Variants in SGCG observed in about 807,000 individuals in gnomAD.
SGCG encodes gamma-sarcoglycan.
In SGCG, 26 loss-of-function variants were observed where a neutral mutation model predicts 29.3. The observed-to-expected ratio is 0.89, with a 90% CI of 0.65 to 1.23. The LOEUF is 1.23. SGCG is among the 50% of genes most tolerant of loss of function. SGCG has a pLI of 0.00. For synonymous variants in SGCG, 145 were observed against 129.7 expected, an observed-to-expected ratio of 1.12 and a Z score of -0.80; for missense variants, 353 against 356.0, an observed-to-expected ratio of 0.99 and a Z score of 0.07.
At chr13:23,314,382 T>TTTTATATATATA (rs1240016735) in intron 6 of SGCG, among the ~76,000 whole-genome samples, 3,413 of 78,394 alleles carry the variant, frequency 0.044, 128 homozygotes, top group Admixed American at 0.089. Flanking sequence ...CTGCTATAGG[T>TTTTATATATATA]TATATATATA....
chr13:23,262,534 G>T (rs558452272), intron 4 of SGCG, among the ~76,000 whole-genome samples: 1 of 152,074 alleles, frequency 6.6e-6, no homozygotes, highest in Admixed American at 6.6e-5. Flanking sequence ...CCTAAGAAAA[G>T]AGATAGACAG....
chr13:23,321,593 G>A (rs950032299), intron 7 of SGCG, among the ~76,000 whole-genome samples: 11 of 152,132 alleles, frequency 7.2e-5, no homozygotes, highest in African/African-American at 2.7e-4. Flanking sequence ...AGTGACTCAC[G>A]GGCTGGGAGC....
intron 2 of SGCG, among the ~76,000 whole-genome samples, chr13:23,216,907 C>G (rs1048325735): frequency 2.6e-5 from 4 of 152,056 alleles, no homozygotes; most frequent in Non-Finnish European, 5.9e-5. Context: ...TGGGTTCCAC[C>G]ACACTGTTCA....
intron 3 of SGCG, among the ~76,000 whole-genome samples, chr13:23,243,037 A>C (rs142532997): frequency 0.011 from 1,629 of 152,326 alleles, 28 homozygotes; most frequent in African/African-American, 0.036. Context: ...TAGATTAAAG[A>C]GCAAGTATAA....
intron 1 of SGCG, 121 bp from the exon 2 acceptor site, chr13:23,203,574 A>T: frequency 1.4e-6 from 1 of 728,530 alleles, no homozygotes; most frequent in Non-Finnish European, 2.5e-6. Flanking sequence ...AATTTTGGAA[A>T]TCTATGACTG....
chr13:23,194,536 C>T (rs1877407420), intron 1 of SGCG, among the ~76,000 whole-genome samples: 2 of 152,178 alleles, frequency 1.3e-5, no homozygotes, highest in South Asian at 4.1e-4. Flanking sequence ...CAAGCTCTCT[C>T]CAAGTGGCGG....
At chr13:23,211,498 A>G (rs1878210818) in intron 2 of SGCG, among the ~76,000 whole-genome samples, 1 of 151,826 alleles carries the variant, frequency 6.6e-6, no homozygotes, top group Non-Finnish European at 1.5e-5. Context: ...CTTTCACCAT[A>G]GAGACCAAGT....
At chr13:23,306,830 C>G (rs971513805) in intron 6 of SGCG, among the ~76,000 whole-genome samples, 1 of 152,316 alleles carries the variant, frequency 6.6e-6, no homozygotes, top group East Asian at 1.9e-4. Flanking sequence ...GAAACAGTTT[C>G]AGGATTGAAA....
intron 6 of SGCG, among the ~76,000 whole-genome samples, chr13:23,305,501 A>T (rs1192520962): frequency 1.3e-5 from 2 of 152,236 alleles, no homozygotes. Flanking sequence ...TTTTCCAAGT[A>T]TAATATCTCT....
In SGCG at chr13:23,277,630, G is replaced by A. The variant is rs114843901; in HGVS notation, c.386-1729G>A. 6.4e-3 allele frequency among the ~76,000 whole-genome samples: 969 copies of A among 150,674 alleles called. 7 individuals are homozygous for A. The highest frequency in any genetic ancestry group is 0.023 in the African/African-American group (936 of 41,044). ...ACCAGGTATCCAAAAATTTTTATGA[G>A]AACTGTTAGGGTCAGAGGGGACACA... is the stretch of plus-strand genomic sequence containing the variant. On this transcript the variant is annotated intron_variant, in intron 4 of 7. Coordinates refer to ENST00000218867, the MANE Select transcript of SGCG (RefSeq NM_000231.3).
chr13:23,249,472 G>T (rs1217373534), intron 3 of SGCG, among the ~76,000 whole-genome samples: 1 of 152,118 alleles, frequency 6.6e-6, no homozygotes, highest in African/African-American at 2.4e-5. Flanking sequence ...AGAGGAATTT[G>T]CTTTTTCAGT....
chr13:23,284,398 G>T (rs1382012263), intron 5 of SGCG, among the ~76,000 whole-genome samples: 1 of 151,778 alleles, frequency 6.6e-6, no homozygotes, highest in South Asian at 2.1e-4. Flanking sequence ...TGATCAATTC[G>T]GCTATTGATA....
At chr13:23,239,509 G>A (rs1189394380) in intron 3 of SGCG, among the ~76,000 whole-genome samples, 2 of 152,092 alleles carry the variant, frequency 1.3e-5, no homozygotes, top group African/African-American at 4.8e-5. Context: ...TATGATGCTA[G>A]AAGAAAAATC....
At position 23,233,767 on chromosome 13, in the gene SGCG, A is replaced by G. The variant is rs79896829; in HGVS notation, c.196-844A>G. Among the ~76,000 whole-genome samples, 413 of 152,342 alleles carry G rather than the reference A, an allele frequency of 2.7e-3. 2 individuals carry two copies. Among genetic ancestry groups the G allele is most frequent in the Middle Eastern group, 6.8e-3 (2 of 294 alleles). ...GAAATAGTAATGGAAGCCAATTCAT[A>G]GCATGAACGCAGGAAAGGGCCTAAG... On this transcript the variant is annotated intron_variant, in intron 2 of 7. Transcript: ENST00000218867.
At chr13:23,180,069 C>T (rs1876679639), upstream of SGCG, among the ~76,000 whole-genome samples, 1 of 152,052 alleles carries the variant, frequency 6.6e-6, no homozygotes, top group Non-Finnish European at 1.5e-5. Context: ...CTGATTGTTC[C>T]CATCTCTGTG....
At chr13:23,200,695 A>G (rs1020309355) in intron 1 of SGCG, among the ~76,000 whole-genome samples, 1 of 152,060 alleles carries the variant, frequency 6.6e-6, no homozygotes, top group Non-Finnish European at 1.5e-5. Context: ...GAGCATGGGG[A>G]GCTCTGTGGT....
At chr13:23,269,854 T>A (rs1257003979) in intron 4 of SGCG, among the ~76,000 whole-genome samples, 3 of 145,564 alleles carry the variant, frequency 2.1e-5, no homozygotes, top group Non-Finnish European at 4.6e-5. Context: ...TTTTTTGGTT[T>A]GCTTTTTTTT....
At chr13:23,324,118 TCAAA>T (rs760618561) in intron 7 of SGCG, among the ~76,000 whole-genome samples, 10 of 152,264 alleles carry the variant, frequency 6.6e-5, no homozygotes, top group East Asian at 3.9e-4. Context: ...TCAGCTGCAC[TCAAA>T]CAATGACAAA....
chr13:23,176,417 T>C (rs977505794), upstream of SGCG, among the ~76,000 whole-genome samples: 1 of 152,186 alleles, frequency 6.6e-6, no homozygotes, highest in African/African-American at 2.4e-5. Flanking sequence ...ATTTGGGTGC[T>C]TTACTGTTGG....
Sources: gnomAD v4.1 joint callset for allele counts (sites outside exome capture counted in the v4.1 genomes callset) on GRCh38, gnomAD v4.1.1 for gene constraint, MANE v1.5 for transcripts, NCBI Gene and HGNC (gene_info 2026-07-23, HGNC 2026-07-21) for gene names.